CADPS2: variants seen among roughly 807,000 people sequenced by gnomAD.
CADPS2 encodes calcium-dependent secretion activator 2.
A neutral mutation model predicts 172.5 loss-of-function variants in CADPS2; 93 were observed. That is an observed-to-expected ratio of 0.54 (90% confidence interval 0.46 to 0.64). The LOEUF (loss-of-function observed/expected upper bound fraction) is 0.64. Among genes scored for constraint, CADPS2 ranks in the 30% least tolerant of loss-of-function variants. CADPS2 has a pLI of 0.00. For missense variants in CADPS2, 1,420 were observed against 1,565.9 expected (o/e 0.91, Z 1.57); for synonymous variants, 546 against 555.2 (o/e 0.98, Z 0.23).
chr7:122,856,004 A>C (rs2141195087), intron 1 of CADPS2, among the ~76,000 whole-genome samples: 1 of 152,296 alleles, frequency 6.6e-6, no homozygotes, highest in South Asian at 2.1e-4. Context: ...CCTGTCCATA[A>C]GAAAGTGTCT....
chr7:122,815,423 C>A (rs1470135066), intron 1 of CADPS2, among the ~76,000 whole-genome samples: 1 of 152,088 alleles, frequency 6.6e-6, no homozygotes, highest in Non-Finnish European at 1.5e-5. Flanking sequence ...TTTCACAAAG[C>A]CTTACCTCAG....
intron 3 of CADPS2, among the ~76,000 whole-genome samples, chr7:122,657,318 T>G (rs879695328): frequency 1.1e-4 from 16 of 152,212 alleles, no homozygotes; most frequent in Non-Finnish European, 1.0e-4. Flanking sequence ...ATATGAACTT[T>G]AAAGTAGTGC....
chr7:122,714,787 CTT>C (rs1446329256), intron 2 of CADPS2, among the ~76,000 whole-genome samples: 1 of 152,108 alleles, frequency 6.6e-6, no homozygotes, highest in East Asian at 1.9e-4. Flanking sequence ...ATAATAGAAA[CTT>C]ACAGTAATAA....
chr7:122,704,056 T>C (rs544307430), intron 2 of CADPS2, among the ~76,000 whole-genome samples: 2 of 152,236 alleles, frequency 1.3e-5, no homozygotes, highest in African/African-American at 4.8e-5. Context: ...TAGGTTATCT[T>C]CTATGTGCTC....
At chr7:122,516,459 G>A (rs1343322938) in intron 8 of CADPS2, among the ~76,000 whole-genome samples, 3 of 151,994 alleles carry the variant, frequency 2.0e-5, no homozygotes, top group Admixed American at 6.6e-5. Context: ...AATCCCTTAA[G>A]CTTAGGTTTT....
chr7:122,707,730 G>A (rs1395957204), intron 2 of CADPS2, among the ~76,000 whole-genome samples: 1 of 151,502 alleles, frequency 6.6e-6, no homozygotes, highest in Non-Finnish European at 1.5e-5. Context: ...CAGCACAAAA[G>A]CAAAGAGTAC....
At chr7:122,690,401 C>T (rs557873088) in intron 2 of CADPS2, among the ~76,000 whole-genome samples, 35 of 152,218 alleles carry the variant, frequency 2.3e-4, no homozygotes, top group African/African-American at 7.7e-4. Context: ...CTTCCCTGGC[C>T]GTTCCCCTAC....
intron 1 of CADPS2, among the ~76,000 whole-genome samples, chr7:122,833,546 GTTTGT>G (rs1340915196): frequency 3.3e-4 from 50 of 151,328 alleles, no homozygotes; most frequent in African/African-American, 1.1e-3. Flanking sequence ...TTTTTTGTTT[GTTTGT>G]TTTGTTTTGT....
intron 17 of CADPS2, among the ~76,000 whole-genome samples, chr7:122,429,624 A>G (rs2049617294): frequency 6.6e-6 from 1 of 152,082 alleles, no homozygotes; most frequent in African/African-American, 2.4e-5. Context: ...TTACCTGTTC[A>G]ATTCTTTTTA....
intron 27 of CADPS2, among the ~76,000 whole-genome samples, chr7:122,346,826 G>GT (rs1410995766): frequency 1.3e-5 from 2 of 152,126 alleles, no homozygotes; most frequent in African/African-American, 4.8e-5. Context: ...ATTGATTTAT[G>GT]TTTAGCTCTT....
At chr7:122,578,585 T>C (rs750994325) in intron 7 of CADPS2, among the ~76,000 whole-genome samples, 7 of 152,046 alleles carry the variant, frequency 4.6e-5, no homozygotes, top group Non-Finnish European at 8.8e-5. Flanking sequence ...GTCTGAGAAT[T>C]TGCATATCTA....
chr7:122,657,166 A>G lies in CADPS2; in HGVS notation c.786+6071T>C, dbSNP rs190649694. 5.2e-3 allele frequency among the ~76,000 whole-genome samples: 794 copies of G among 152,254 alleles called. 10 individuals are homozygous for G. Among genetic ancestry groups the G allele is most frequent in the Admixed American group, 0.013 (200 of 15,292 alleles). On this transcript the variant is annotated intron_variant, in intron 3 of 29. Transcript: ENST00000449022. ...GGACTCTGCTCTGTTCCATAGGTCTATATCTCTGTTTTGGTACCAGTACCA... is the reference window on the plus strand; with the variant it reads ...GGACTCTGCTCTGTTCCATAGGTCTGTATCTCTGTTTTGGTACCAGTACCA...
At position 122,619,478 on chromosome 7, in the gene CADPS2, T is replaced by C. The variant is rs186389592; in HGVS notation, c.1104+2003A>G. ...AAAATACAAAAAAAAAAAAAAAAAT[T>C]TAGCCAGGCATTGTGTTGCATGTCT... is the stretch of plus-strand genomic sequence containing the variant. On this transcript the variant is annotated intron_variant, in intron 5 of 29. Coordinates refer to ENST00000449022, the MANE Select transcript of CADPS2 (RefSeq NM_017954.11). Among the ~76,000 whole-genome samples the C allele has an allele frequency of 9.9e-5, 15 of 151,458 alleles. No homozygotes were observed. The East Asian group carries it at 2.9e-3, about 29-fold the overall frequency.
In CADPS2 at chr7:122,877,725, G is replaced by A. The variant is rs182649763; in HGVS notation, c.339+8274C>T. Among the ~76,000 whole-genome samples, 261 of 152,144 alleles carry A rather than the reference G, an allele frequency of 1.7e-3. 3 individuals carry two copies. The highest frequency in any genetic ancestry group is 6.2e-3 in the African/African-American group (257 of 41,518). On this transcript the variant is annotated intron_variant, in intron 1 of 29. Transcript: ENST00000449022. ...TTGAAGATATCGTATGCTCCTAGAA[G>A]GCTGAATATAGTAAAAATATCATTG...
intron 1 of CADPS2, among the ~76,000 whole-genome samples, chr7:122,885,424 C>G (rs561817233): frequency 6.6e-6 from 1 of 152,150 alleles, no homozygotes; most frequent in East Asian, 1.9e-4. Flanking sequence ...TGCATGCCTT[C>G]TCGGTGTTTG....
intron 3 of CADPS2, among the ~76,000 whole-genome samples, chr7:122,636,794 T>C (rs1029194291): frequency 4.6e-5 from 7 of 152,104 alleles, no homozygotes; most frequent in Non-Finnish European, 1.0e-4. Flanking sequence ...TTTGTTGTTG[T>C]TGAACTTGGT....
chr7:122,686,252 G>A (rs1047379087), intron 2 of CADPS2, among the ~76,000 whole-genome samples: 1 of 152,176 alleles, frequency 6.6e-6, no homozygotes, highest in Non-Finnish European at 1.5e-5. Flanking sequence ...AGTGGTAGCG[G>A]ATAGAGAAAC....
At chr7:122,704,918 T>G (rs2086744927) in intron 2 of CADPS2, among the ~76,000 whole-genome samples, 3 of 152,018 alleles carry the variant, frequency 2.0e-5, no homozygotes, top group African/African-American at 7.2e-5. Flanking sequence ...ATGCACATAG[T>G]AGCTCCACAT....
At chr7:122,583,703 C>T (rs939175025) in intron 6 of CADPS2, among the ~76,000 whole-genome samples, 1 of 150,938 alleles carries the variant, frequency 6.6e-6, no homozygotes, top group Non-Finnish European at 1.5e-5. Flanking sequence ...ATATGTCCTT[C>T]ATATCATATA....
Sources: gnomAD v4.1 joint callset for allele counts (sites outside exome capture counted in the v4.1 genomes callset) on GRCh38, gnomAD v4.1.1 for gene constraint, MANE v1.5 for transcripts, NCBI Gene and HGNC (gene_info 2026-07-23, HGNC 2026-07-21) for gene names.